RTEL1: variants seen among roughly 807,000 people sequenced by gnomAD.
The protein encoded by RTEL1 is regulator of telomere length.
Under a neutral mutation model 162.2 loss-of-function variants are expected in RTEL1, and 86 were observed. The observed-to-expected ratio is 0.53, with a 90% CI of 0.45 to 0.63. RTEL1 has a LOEUF of 0.63. RTEL1 is among the 30% of genes least tolerant of loss of function. The pLI is 0.00. For synonymous variants in RTEL1, 958 were observed against 717.9 expected (o/e 1.33, Z -5.35); for missense variants, 1,941 against 1,750.2 (o/e 1.11, Z -1.95).
chr20:63,660,433 C>A (rs190196668), intron 2 of RTEL1, among the ~76,000 whole-genome samples: 1 of 152,232 alleles, frequency 6.6e-6, no homozygotes, highest in Admixed American at 6.5e-5. Context: ...ATGGCGATGA[C>A]TTTTACCAAG....
intron 6 of RTEL1, among the ~76,000 whole-genome samples, chr20:63,664,392 C>G (rs1267485405): frequency 6.6e-6 from 1 of 152,184 alleles, no homozygotes; most frequent in African/African-American, 2.4e-5. Context: ...GGCAGTGCCC[C>G]GGTGGCTGCT....
Position 63,682,635 on chromosome 20 carries a change from G to A in RTEL1, c.1191+1916G>A, listed in dbSNP as rs184956602. The A allele has an allele frequency of 7.9e-5, 78 of 985,726 alleles. No individual in the cohort carries two copies. The African/African-American group carries it at 9.8e-4, about 12-fold the overall frequency. The allele number at this position is 985,726 out of a possible 1,614,324, so 61.1% of individuals were successfully genotyped here. On this transcript the variant is annotated intron_variant, in intron 14 of 34. Transcript: ENST00000360203. ...GAGGGACTGCACACAGTGCTCACCC[G>A]CGTTGGCTCCTGAGCCCCTGCAGGT...
chr20:63,684,250 G>A (rs1197812558), intron 14 of RTEL1, among the ~76,000 whole-genome samples: 3 of 152,118 alleles, frequency 2.0e-5, no homozygotes, highest in Non-Finnish European at 4.4e-5. Context: ...CGCTGACCGA[G>A]CGGCTCGGCT....
At chr20:63,693,372 G>C (rs899081632) in intron 30 of RTEL1, 89 bp downstream of exon 30, 152 of 1,524,336 alleles carry the variant, frequency 1.0e-4, no homozygotes, top group Non-Finnish European at 1.2e-4. Flanking sequence ...GGGCATCCTC[G>C]GGCCCTGCTT....
chr20:63,676,807 T>G, intron 10 of RTEL1, among the ~76,000 whole-genome samples: 1 of 151,750 alleles, frequency 6.6e-6, no homozygotes, highest in East Asian at 1.9e-4. Context: ...TGGTGGTGCA[T>G]GCTTGTAATC....
At chr20:63,687,298 T>C (rs1478360419) in intron 16 of RTEL1, 1 of 263,680 alleles carries the variant, frequency 3.8e-6, no homozygotes, top group East Asian at 7.2e-5. Context: ...TCCCGTGTGC[T>C]CTTGGCGGGG....
chr20:63,662,977 C>T (rs2090051123), intron 6 of RTEL1, 88 bp downstream of exon 6: 1 of 1,356,908 alleles, frequency 7.4e-7, no homozygotes, highest in South Asian at 1.2e-5. Flanking sequence ...CCTGGTTGTG[C>T]TTGCCCGGTG....
chr20:63,689,471 G>A lies in RTEL1; in HGVS notation c.1879-31G>A, dbSNP rs199870098. 3,891 of 1,516,634 alleles carry A rather than the reference G, an allele frequency of 2.6e-3. 11 individuals carry two copies. Among genetic ancestry groups the A allele is most frequent in the Non-Finnish European group, 3.0e-3 (3,334 of 1,129,906 alleles). The allele number at this position is 1,516,634 out of a possible 1,614,324, so 93.9% of individuals were successfully genotyped here. On this transcript the variant is annotated intron_variant, in intron 22 of 34. Coordinates refer to ENST00000360203, the MANE Select transcript of RTEL1 (RefSeq NM_001283009.2). ...GGCACCAGGGAGAGGAGCCCCCACG[G>A]CCCCAGGCAGCTCCCTGGTGTGTCC...
intron 7 of RTEL1, among the ~76,000 whole-genome samples, chr20:63,667,154 T>G (rs1406724776): frequency 6.6e-6 from 1 of 152,182 alleles, no homozygotes; most frequent in African/African-American, 2.4e-5. Flanking sequence ...CTGCTTTTTC[T>G]TAGTGGTTCT....
At chr20:63,671,933 G>GAGTGT (rs1351300584) in intron 8 of RTEL1, among the ~76,000 whole-genome samples, 1 of 151,984 alleles carries the variant, frequency 6.6e-6, no homozygotes. Flanking sequence ...GCCTAGGCTG[G>GAGTGT]AGTGCAGTGA....
chr20:63,678,052 C>T, intron 10 of RTEL1, 93 bp from the exon 11 acceptor site: 2 of 1,443,014 alleles, frequency 1.4e-6, no homozygotes, highest in Middle Eastern at 1.7e-4. Flanking sequence ...ATGTTGGTGT[C>T]CTTTTTTCCA....
chr20:63,660,278 G>T (rs1381027383), intron 2 of RTEL1, among the ~76,000 whole-genome samples: 1 of 152,110 alleles, frequency 6.6e-6, no homozygotes, highest in Non-Finnish European at 1.5e-5. Context: ...TTGGGCTGGG[G>T]GACTGTCAGG....
intron 27 of RTEL1, 114 bp downstream of exon 27, chr20:63,691,061 G>C (rs1161653373): frequency 1.8e-5 from 21 of 1,184,596 alleles, no homozygotes; most frequent in Non-Finnish European, 2.3e-5. Flanking sequence ...TCCCCTGCCT[G>C]GCAGGCAGGC....
In RTEL1 at chr20:63,692,982, A is replaced by C; in HGVS notation, c.2830A>C (p.Lys944Gln). The C allele has an allele frequency of 1.2e-6, 2 of 1,612,568 alleles. No homozygotes were observed. The highest frequency in any genetic ancestry group is 1.7e-6 in the Non-Finnish European group (2 of 1,179,814). ...CLGPLFAEDP[K>Q]KHNLLQGFYQ... ...CGGCCCCCTCTTTGCTGAGGACCCC[A>C]AGAAGCACAACCTGCTCCAAGGTGC... Residue 944 changes from lysine (K) to glutamine (Q), a missense_variant, in exon 29 of 35, where the codon AAG becomes CAG. Lys to Gln is a moderately conservative substitution (Grantham distance 53). Coordinates refer to ENST00000360203, the MANE Select transcript of RTEL1 (RefSeq NM_001283009.2).
At chr20:63,688,469 C>T (rs1051088287) in intron 20 of RTEL1, 59 bp from the exon 21 acceptor site, 3 of 1,604,838 alleles carry the variant, frequency 1.9e-6, no homozygotes, top group Non-Finnish European at 2.6e-6. Context: ...CTCCTGCTTG[C>T]CCTCATCGGA....
chr20:63,666,196 C>G lies in RTEL1; in HGVS notation c.614+117C>G. The G allele has an allele frequency of 9.7e-6, 8 of 823,136 alleles. No individual in the cohort carries two copies. In the South Asian group the frequency reaches 1.4e-4, roughly 14 times the overall value. 51.0% of individuals were successfully genotyped at this position (823,136 alleles called of 1,614,324 possible). ...CTTTGTTCCTTTTTAAATTATGAAA[C>G]TAACCACCATTCAGTACGAAAAAGT... On this transcript the variant is annotated intron_variant, in intron 7 of 34. Coordinates refer to ENST00000360203, the MANE Select transcript of RTEL1 (RefSeq NM_001283009.2).
chr20:63,694,514 G>A (rs1404793577), intron 31 of RTEL1, 26 bp downstream of exon 31: 1 of 1,542,064 alleles, frequency 6.5e-7, no homozygotes, highest in Non-Finnish European at 8.9e-7. Flanking sequence ...ACCGTGTGCA[G>A]CCTACGACTT....
At position 63,693,160 on chromosome 20, in the gene RTEL1, C is replaced by A. The variant is rs398123018; in HGVS notation, c.2869C>A (p.Arg957=). The change falls in exon 30 of 35, where the codon CGG becomes AGG. Residue 957 remains arginine (R), a synonymous_variant. Transcript: ENST00000360203. ...CTCTACAGGCTTCTACCAGTTTGTG[C>A]GGCCCCACCATAAGCAGCAGTTTGA... ...NLLQGFYQFV[R]PHHKQQFEEV... is the part of the protein sequence containing the mutation. The A allele has an allele frequency of 1.4e-5, 22 of 1,612,154 alleles. No homozygotes were observed. Among genetic ancestry groups the A allele is most frequent in the Non-Finnish European group, 1.9e-5 (22 of 1,179,544 alleles).
rs532123701 is a variant in RTEL1, at chr20:63,679,049, C to T, written c.1037+703C>T. On this transcript the variant is annotated intron_variant, in intron 12 of 34. Coordinates refer to ENST00000360203, the MANE Select transcript of RTEL1 (RefSeq NM_001283009.2). ...TTAGAACGAGACCTTCTTGTTAGGA[C>T]GATGAGTGTCCCAGCCACCACCTCT... Among the ~76,000 whole-genome samples the T allele has an allele frequency of 9.2e-5, 14 of 152,306 alleles. No homozygotes were observed. In the East Asian group the frequency reaches 1.7e-3, roughly 19 times the overall value.
Sources: allele counts gnomAD v4.1 joint callset (sites outside exome capture counted in the v4.1 genomes callset), GRCh38; gene constraint gnomAD v4.1.1; transcripts MANE v1.5; gene names NCBI Gene and HGNC (gene_info 2026-07-23, HGNC 2026-07-21).